The following USP15 variants were observed in gnomAD, a reference collection of about 807,000 sequenced individuals.
USP15 encodes ubiquitin carboxyl-terminal hydrolase 15.
Under a neutral mutation model 127.1 loss-of-function variants are expected in USP15, and 18 were observed. That is an observed-to-expected ratio of 0.14 (90% CI 0.10 to 0.21). The LOEUF (loss-of-function observed/expected upper bound fraction) is 0.21, where lower values mean the gene tolerates loss of function less well. USP15 is among the 10% of genes least tolerant of loss of function. The pLI, the probability that USP15 is intolerant of heterozygous loss-of-function variation, is 1.00. For synonymous variants in USP15, 364 were observed against 393.7 expected, an observed-to-expected ratio of 0.92 and a Z score of 0.89; for missense variants, 805 against 1,159.9, an observed-to-expected ratio of 0.69 and a Z score of 4.44.
At position 62,408,764 on chromosome 12, in the gene USP15, A is replaced by G. The variant is rs1007294703; in HGVS notation, c.*4389A>G. ...CAGTTGCAGATCTATATTATATATCATTTTATTATCAGATTTTCTAGTGAG... is the reference window on the plus strand; with the variant it reads ...CAGTTGCAGATCTATATTATATATCGTTTTATTATCAGATTTTCTAGTGAG... On this transcript the variant is annotated 3_prime_UTR_variant, in exon 22 of 22. Coordinates refer to ENST00000280377, the MANE Select transcript of USP15 (RefSeq NM_001252078.2). 2.0e-5 allele frequency: 3 copies of G among 152,038 alleles called. No homozygotes were observed. The allele number at this position is 152,038 out of a possible 1,614,324, so 9.4% of individuals were successfully genotyped here.
intron 8 of USP15, among the ~76,000 whole-genome samples, chr12:62,362,203 A>C (rs1475445142): frequency 2.6e-5 from 4 of 152,100 alleles, no homozygotes; most frequent in Admixed American, 2.6e-4. Flanking sequence ...AAATTATGCC[A>C]ATCAACCTAT....
At chr12:62,390,239 G>A (rs772027349) in intron 14 of USP15, among the ~76,000 whole-genome samples, 1 of 152,094 alleles carries the variant, frequency 6.6e-6, no homozygotes, top group South Asian at 2.1e-4. Flanking sequence ...CAGTTAGAAG[G>A]ACATAGGAAT....
chr12:62,327,512 TAA>T (rs2065161890), intron 6 of USP15: 2 of 357,640 alleles, frequency 5.6e-6, no homozygotes, highest in Non-Finnish European at 1.1e-5. Flanking sequence ...GCTATATCTT[TAA>T]GTTATTTTTG....
chr12:62,260,732 C>G (rs1404082885), intron 1 of USP15, among the ~76,000 whole-genome samples: 1 of 152,142 alleles, frequency 6.6e-6, no homozygotes, highest in Non-Finnish European at 1.5e-5. Context: ...CGGGGAGCGG[C>G]GGCGGCGGCG....
chr12:62,281,734 T>G (rs1311708465), intron 1 of USP15, among the ~76,000 whole-genome samples: 1 of 152,168 alleles, frequency 6.6e-6, no homozygotes, highest in African/African-American at 2.4e-5. Context: ...CAATTGAAGA[T>G]AGTATTGAAA....
chr12:62,317,079 T>C (rs993498688), intron 4 of USP15, among the ~76,000 whole-genome samples: 5 of 152,104 alleles, frequency 3.3e-5, no homozygotes, highest in African/African-American at 1.2e-4. Context: ...GAATGGGAGA[T>C]ATTAGAATAC....
Position 62,416,333 on chromosome 12 carries a change from A to C in USP15, c.*11958A>C, listed in dbSNP as rs528992478. On this transcript the variant is annotated 3_prime_UTR_variant, in exon 22 of 22. Transcript: ENST00000280377. ...TGTTCTTAAGATGTTAAGATGGTGT[A>C]TGTGTGGCATAGTATTTGTTCCTAA... The C allele has an allele frequency of 2.6e-5, 4 of 152,334 alleles. No individual in the cohort carries two copies. The highest frequency in any genetic ancestry group is 7.2e-5 in the African/African-American group (3 of 41,586). The allele number at this position is 152,334 out of a possible 1,614,324, so 9.4% of individuals were successfully genotyped here.
chr12:62,264,654 C>T (rs1024200886), intron 1 of USP15, among the ~76,000 whole-genome samples: 4 of 152,114 alleles, frequency 2.6e-5, no homozygotes, highest in Non-Finnish European at 2.9e-5. Flanking sequence ...GCTTTCTGTC[C>T]ATTCCGACTT....
chr12:62,369,767 A>G (rs1303005667), intron 8 of USP15, among the ~76,000 whole-genome samples: 1 of 152,214 alleles, frequency 6.6e-6, no homozygotes, highest in Admixed American at 6.5e-5. Flanking sequence ...AAAATGAAAC[A>G]AATTTGTGAC....
At chr12:62,361,294 G>A (rs375469901) in intron 8 of USP15, among the ~76,000 whole-genome samples, 13 of 152,068 alleles carry the variant, frequency 8.5e-5, no homozygotes, top group South Asian at 4.2e-4. Context: ...TTGATTTGTC[G>A]CTGTTCACAT....
Position 62,384,303 on chromosome 12 carries a change from G to A in USP15, c.1473+1G>A, listed in dbSNP as rs1353731175. The A allele has an allele frequency of 6.4e-7, 1 of 1,552,522 alleles. No homozygotes were observed. The highest frequency in any genetic ancestry group is 1.4e-5 in the African/African-American group (1 of 70,774). ...GGATCCACTTACCAAACCTATGCAGGTAAATCATGGGTTGGTTTGTTTTGT... is the reference window on the plus strand; with the variant it reads ...GGATCCACTTACCAAACCTATGCAGATAAATCATGGGTTGGTTTGTTTTGT... On this transcript the variant is annotated splice_donor_variant, in intron 11 of 21. Coordinates refer to ENST00000280377, the MANE Select transcript of USP15 (RefSeq NM_001252078.2). LOFTEE classifies it high-confidence loss of function.
chr12:62,280,612 T>A (rs2063621170), intron 1 of USP15, among the ~76,000 whole-genome samples: 1 of 152,210 alleles, frequency 6.6e-6, no homozygotes, highest in African/African-American at 2.4e-5. Context: ...TCTGCCCTTA[T>A]GATCTAATCA....
At chr12:62,309,553 A>G (rs1392361862) in intron 3 of USP15, among the ~76,000 whole-genome samples, 1 of 152,030 alleles carries the variant, frequency 6.6e-6, no homozygotes, top group African/African-American at 2.4e-5. Flanking sequence ...TCCCCAACTT[A>G]TTTTATAAGG....
intron 2 of USP15, among the ~76,000 whole-genome samples, chr12:62,298,663 C>CA (rs1008619333): frequency 2.6e-5 from 4 of 151,272 alleles, no homozygotes; most frequent in African/African-American, 9.7e-5. Flanking sequence ...GACTCCATCT[C>CA]AAAAAAATAA....
At chr12:62,403,199 T>C (rs888543752) in intron 21 of USP15, among the ~76,000 whole-genome samples, 1 of 152,008 alleles carries the variant, frequency 6.6e-6, no homozygotes, top group Non-Finnish European at 1.5e-5. Flanking sequence ...ACATTTGAGT[T>C]GTCAGCCTCA....
chr12:62,369,720 A>G (rs1258879634), intron 8 of USP15, among the ~76,000 whole-genome samples: 2 of 152,200 alleles, frequency 1.3e-5, no homozygotes, highest in Admixed American at 6.5e-5. Flanking sequence ...GCAGTTTTCT[A>G]TACTTTGCCA....
Position 62,409,625 on chromosome 12 carries a change from A to G in USP15, c.*5250A>G, listed in dbSNP as rs1223865899. Reference sequence around the variant, plus strand: ...TTCTATATAGTTTGGTGAAACAAACAAAACAGTTTTTATCTGCTGTGACAT... The same window carrying G: ...TTCTATATAGTTTGGTGAAACAAACGAAACAGTTTTTATCTGCTGTGACAT... On this transcript the variant is annotated 3_prime_UTR_variant, in exon 22 of 22. Transcript: ENST00000280377. The G allele has an allele frequency of 6.6e-6, 1 of 152,204 alleles. No homozygotes were observed. The highest frequency in any genetic ancestry group is 1.9e-4 in the East Asian group (1 of 5,202). The allele number at this position is 152,204 out of a possible 1,614,324, so 9.4% of individuals were successfully genotyped here.
intron 3 of USP15, among the ~76,000 whole-genome samples, chr12:62,307,587 C>T (rs900060369): frequency 5.9e-5 from 9 of 152,046 alleles, no homozygotes; most frequent in East Asian, 1.9e-4. Flanking sequence ...TTGCTTTCCG[C>T]GATTTCAGTT....
At chr12:62,312,909 G>A (rs992090831) in intron 3 of USP15, among the ~76,000 whole-genome samples, 1 of 151,430 alleles carries the variant, frequency 6.6e-6, no homozygotes, top group African/African-American at 2.4e-5. Flanking sequence ...ACATTGATTC[G>A]TAAATGTGCT....
Sources: allele counts gnomAD v4.1 joint callset (sites outside exome capture counted in the v4.1 genomes callset), GRCh38; gene constraint gnomAD v4.1.1; transcripts MANE v1.5; gene names NCBI Gene and HGNC (gene_info 2026-07-23, HGNC 2026-07-21).